The following TENM2 variants were observed in gnomAD, a reference collection of about 807,000 sequenced individuals.
The protein encoded by TENM2 is teneurin-2.
A neutral mutation model predicts 245.2 loss-of-function variants in TENM2; 52 were observed. The observed-to-expected ratio is 0.21, with a 90% CI of 0.17 to 0.27. The LOEUF is 0.27. Among genes scored for constraint, TENM2 ranks in the 10% least tolerant of loss-of-function variants. The probability of loss-of-function intolerance (pLI) is 1.00; values close to 1 mark genes in which losing one functional copy is unlikely to be tolerated. For missense variants in TENM2, 3,046 were observed against 3,666.8 expected (o/e 0.83, Z 4.37); for synonymous variants, 1,363 against 1,438.9 (o/e 0.95, Z 1.19).
the TENM2 span, among the ~76,000 whole-genome samples, chr5:167,003,518 A>G: frequency 6.6e-6 from 1 of 152,122 alleles, no homozygotes; most frequent in Non-Finnish European, 1.5e-5. Context: ...TCATGGCTCA[A>G]ATGACCAGCT....
intron 2 of TENM2, among the ~76,000 whole-genome samples, chr5:167,566,077 G>A (rs942779916): frequency 1.3e-5 from 2 of 152,084 alleles, no homozygotes; most frequent in African/African-American, 4.8e-5. Flanking sequence ...TTAGGAACTA[G>A]CTCATGAAAT....
intron 7 of TENM2, among the ~76,000 whole-genome samples, chr5:168,068,585 G>C (rs1030990447): frequency 2.6e-5 from 4 of 151,922 alleles, no homozygotes; most frequent in Non-Finnish European, 5.9e-5. Context: ...TATCCAGAGG[G>C]AGAGAGAGAG....
At chr5:167,192,641 C>G in the TENM2 span, among the ~76,000 whole-genome samples, 1 of 152,032 alleles carries the variant, frequency 6.6e-6, no homozygotes, top group South Asian at 2.1e-4. Context: ...GTCAGATAGG[C>G]AATATCCTTC....
intron 2 of TENM2, among the ~76,000 whole-genome samples, chr5:167,482,960 A>G (rs1767845864): frequency 6.6e-6 from 1 of 152,216 alleles, no homozygotes; most frequent in Non-Finnish European, 1.5e-5. Context: ...TGAGAAGAAA[A>G]TCTTTCTTTC....
chr5:168,087,209 TC>T (rs928311429), intron 7 of TENM2: 12 of 152,206 alleles, frequency 7.9e-5, no homozygotes, highest in African/African-American at 2.9e-4. Context: ...ACTGGGACAC[TC>T]CTGGGTAATT....
chr5:167,872,546 A>AAG (rs369075447), intron 2 of TENM2, among the ~76,000 whole-genome samples: 4 of 113,724 alleles, frequency 3.5e-5, no homozygotes, highest in African/African-American at 1.6e-4. Context: ...GAAAGAAAGA[A>AAG]AGAGAAAGAA....
intron 1 of TENM2, among the ~76,000 whole-genome samples, chr5:167,344,956 TGAG>T (rs758122293): frequency 2.6e-5 from 4 of 152,110 alleles, no homozygotes; most frequent in Admixed American, 6.5e-5. Flanking sequence ...GACTCTAAGA[TGAG>T]GATGCAGAAA....
In TENM2 at chr5:167,853,289, C is replaced by CAAAAAAAAAAAAAAA. The variant is rs777170514; in HGVS notation, c.503-22688_503-22674dup. 2.9e-3 allele frequency among the ~76,000 whole-genome samples: 71 copies of CAAAAAAAAAAAAAAA among 24,602 alleles called. 8 individuals carry two copies. The highest frequency in any genetic ancestry group is 5.7e-3 in the African/African-American group (38 of 6,622). The allele number at this position is 24,602 out of a possible 152,430, so 16.1% of individuals were successfully genotyped here. ...TGGGAGACAGAGCGAGACTCCGTCT[C>CAAAAAAAAAAAAAAA]AAAAAAAAAAAAAAAAAAAAAAAGA... On this transcript the variant is annotated intron_variant, in intron 2 of 28. Transcript: ENST00000518659.
intron 2 of TENM2, among the ~76,000 whole-genome samples, chr5:167,527,983 A>T (rs867499725): frequency 1.3e-5 from 2 of 152,334 alleles, no homozygotes; most frequent in South Asian, 2.1e-4. Context: ...GGAATAAAAA[A>T]GTTTGAGCTC....
At chr5:168,162,517 T>G in intron 12 of TENM2, 94 bp from the exon 15 acceptor site, 1 of 1,392,574 alleles carries the variant, frequency 7.2e-7, no homozygotes, top group East Asian at 2.4e-5. Flanking sequence ...GCCCAGCGGC[T>G]GCCCTGCGGC....
intron 2 of TENM2, among the ~76,000 whole-genome samples, chr5:167,538,538 A>G (rs1771995887): frequency 6.6e-6 from 1 of 152,196 alleles, no homozygotes; most frequent in Non-Finnish European, 1.5e-5. Flanking sequence ...AATGTCTGCC[A>G]GACTTTTCCA....
At chr5:167,356,216 A>AAAAAAAAAAAAAAAAG (rs1412322682) in intron 1 of TENM2, among the ~76,000 whole-genome samples, 1 of 134,324 alleles carries the variant, frequency 7.4e-6, no homozygotes, top group African/African-American at 3.2e-5. Context: ...AAAAAAAAAA[A>AAAAAAAAAAAAAAAAG]AAAAATTAAA....
intron 7 of TENM2, among the ~76,000 whole-genome samples, chr5:168,083,435 C>A (rs1329330771): frequency 6.6e-6 from 1 of 152,222 alleles, no homozygotes; most frequent in African/African-American, 2.4e-5. Context: ...TTGGCGTACA[C>A]TCTGTGGGCT....
the TENM2 span, among the ~76,000 whole-genome samples, chr5:167,125,464 A>G: frequency 6.6e-6 from 1 of 152,184 alleles, no homozygotes; most frequent in Non-Finnish European, 1.5e-5. Context: ...GATGTTATGT[A>G]GGTGCCAAGA....
intron 2 of TENM2, among the ~76,000 whole-genome samples, chr5:167,642,082 A>G (rs1039834777): frequency 6.6e-6 from 1 of 151,242 alleles, no homozygotes; most frequent in Non-Finnish European, 1.5e-5. Context: ...CGGAGGTTGC[A>G]GTGAGCCAAG....
intron 2 of TENM2, among the ~76,000 whole-genome samples, chr5:167,769,289 G>A (rs1452207868): frequency 6.6e-6 from 1 of 152,166 alleles, no homozygotes; most frequent in Non-Finnish European, 1.5e-5. Flanking sequence ...GTCAGTGTAA[G>A]TTTTGTGCCA....
chr5:168,163,729 T>G (rs909475639), intron 13 of TENM2, among the ~76,000 whole-genome samples: 3 of 152,244 alleles, frequency 2.0e-5, no homozygotes, highest in African/African-American at 7.2e-5. Flanking sequence ...AGGCCATCTC[T>G]AAATTACAAA....
the TENM2 span, among the ~76,000 whole-genome samples, chr5:167,018,378 C>CTTT: frequency 7.1e-6 from 1 of 140,662 alleles, no homozygotes. Flanking sequence ...TTCCCTGTTT[C>CTTT]TTTTTTTTTT....
In TENM2 at chr5:167,563,470, T is replaced by A. The variant is rs200420104; in HGVS notation, c.502+187997T>A. Among the ~76,000 whole-genome samples, 26 of 152,276 alleles carry A rather than the reference T, an allele frequency of 1.7e-4. No individual in the cohort carries two copies. The East Asian group carries it at 4.8e-3, about 28-fold the overall frequency. On this transcript the variant is annotated intron_variant, in intron 2 of 28. Coordinates refer to ENST00000518659, the Ensembl canonical transcript of TENM2. ...AAGGCTACTTCTGTTTTCTGCCAAG[T>A]GATGTCTCGTAAATCTTTGTAAGTT... is the stretch of plus-strand genomic sequence containing the variant.
Sources: gnomAD v4.1 joint callset for allele counts (sites outside exome capture counted in the v4.1 genomes callset) on GRCh38, gnomAD v4.1.1 for gene constraint, MANE v1.5 for transcripts, NCBI Gene and HGNC (gene_info 2026-07-23, HGNC 2026-07-21) for gene names.